SCN1A: variants seen among roughly 807,000 people sequenced by gnomAD.
SCN1A encodes the protein sodium channel protein type 1 subunit alpha.
Under a neutral mutation model 193.7 loss-of-function variants are expected in SCN1A, and 13 were observed. That is an observed-to-expected ratio of 0.07 (90% confidence interval 0.04 to 0.11). The LOEUF (loss-of-function observed/expected upper bound fraction) is 0.11. Among genes scored for constraint, SCN1A ranks in the 10% least tolerant of loss-of-function variants. The probability of loss-of-function intolerance (pLI) is 1.00; values close to 1 mark genes in which losing one functional copy is unlikely to be tolerated. For synonymous variants in SCN1A, 781 were observed against 843.6 expected, an observed-to-expected ratio of 0.93 and a Z score of 1.29; for missense variants, 1,432 against 2,451.1, an observed-to-expected ratio of 0.58 and a Z score of 8.78.
intron 9 of SCN1A, among the ~76,000 whole-genome samples, chr2:166,049,372 C>T (rs558591715): frequency 2.3e-3 from 355 of 151,964 alleles, no homozygotes; most frequent in African/African-American, 8.3e-3. Flanking sequence ...GCAAAACAGC[C>T]ACATATTTCA....
chr2:166,146,479 T>C (rs776748466), intron 1 of SCN1A, among the ~76,000 whole-genome samples: 5 of 152,214 alleles, frequency 3.3e-5, no homozygotes, highest in African/African-American at 4.8e-5. Context: ...GTTTTGCCTT[T>C]GGTAGACAGG....
At chr2:166,065,224 C>T (rs1683707239) in intron 4 of SCN1A, among the ~76,000 whole-genome samples, 1 of 152,104 alleles carries the variant, frequency 6.6e-6, no homozygotes, top group Non-Finnish European at 1.5e-5. Context: ...CTAGCTCCTA[C>T]CCAGAAGTGC....
intron 2 of SCN1A, among the ~76,000 whole-genome samples, chr2:166,087,495 C>T (rs1686269170): frequency 6.6e-6 from 1 of 152,002 alleles, no homozygotes; most frequent in African/African-American, 2.4e-5. Flanking sequence ...CCTGGCACCC[C>T]ACCCTGTCTC....
intron 19 of SCN1A, among the ~76,000 whole-genome samples, chr2:166,027,835 A>C: frequency 6.6e-6 from 1 of 152,190 alleles, no homozygotes; most frequent in South Asian, 2.1e-4. Flanking sequence ...ATTGTACACT[A>C]TGCATATTAA....
At chr2:166,027,318 AG>A (rs1694928546) in intron 19 of SCN1A, 1 of 152,182 alleles carries the variant, frequency 6.6e-6, no homozygotes, top group African/African-American at 2.4e-5. Flanking sequence ...TTTGACCTTG[AG>A]GGTAAGGCAA....
chr2:166,126,614 T>A (rs1044931243), intron 2 of SCN1A: 5 of 152,190 alleles, frequency 3.3e-5, no homozygotes, highest in Non-Finnish European at 7.3e-5. Context: ...TATGTTCTGT[T>A]ACTATACTAG....
intron 22 of SCN1A, among the ~76,000 whole-genome samples, chr2:166,010,961 C>A (rs1692364031): frequency 6.6e-6 from 1 of 150,596 alleles, no homozygotes; most frequent in African/African-American, 2.4e-5. Context: ...GAAAAAAAAC[C>A]TCAGGAAGTT....
Position 166,052,826 on chromosome 2 carries a change from G to A in SCN1A, c.694+26C>T, listed in dbSNP as rs375135735. ...GGATGCTGAATCACATGATGGGTCC[G>A]TCTCATTATCTAACCTTGCTCTCAC... On this transcript the variant is annotated intron_variant, in intron 8 of 28. Transcript: ENST00000674923. The A allele has an allele frequency of 5.6e-5, 87 of 1,553,826 alleles. No homozygotes were observed. The Middle Eastern group carries it at 8.4e-4, about 15-fold the overall frequency.
At chr2:166,110,748 C>T (rs1054864433) in intron 2 of SCN1A, among the ~76,000 whole-genome samples, 2 of 152,152 alleles carry the variant, frequency 1.3e-5, no homozygotes, top group Admixed American at 1.3e-4. Context: ...CCACCCAAAT[C>T]TCATCTTGAA....
intron 2 of SCN1A, among the ~76,000 whole-genome samples, chr2:166,094,692 T>C (rs1485634264): frequency 1.3e-5 from 2 of 151,692 alleles, no homozygotes; most frequent in Non-Finnish European, 2.9e-5. Context: ...TGGAGTAGAA[T>C]AGAATTTAAC....
intron 4 of SCN1A, among the ~76,000 whole-genome samples, chr2:166,065,490 A>G (rs759821167): frequency 6.6e-6 from 1 of 152,110 alleles, no homozygotes; most frequent in Non-Finnish European, 1.5e-5. Context: ...CTCATTTGTC[A>G]TAGCCTGTGA....
chr2:166,107,685 G>A (rs1359448370), intron 2 of SCN1A, among the ~76,000 whole-genome samples: 1 of 151,978 alleles, frequency 6.6e-6, no homozygotes, highest in Admixed American at 6.6e-5. Context: ...ATTCAGCTTT[G>A]GGTGCTAACA....
chr2:166,043,758 A>C lies in SCN1A; in HGVS notation c.1954T>G (p.Ser652Ala), dbSNP rs1697428693. 6.2e-7 allele frequency: 1 copy of C among 1,614,196 alleles called. No individual in the cohort carries two copies. Among genetic ancestry groups the C allele is most frequent in the Non-Finnish European group, 8.5e-7 (1 of 1,180,026 alleles). Residue 652 changes from serine (S) to alanine (A), a missense_variant, in exon 14 of 29, where the codon TCC (serine) becomes GCC (alanine). Transcript: ENST00000674923. ...GGAACTGAAGGTCCACCAACCAAGG[A>C]AACCACACCATTGCAATCCACAGTG... ...HSTVDCNGVV[S>A]LVGGPSVPTS... is the part of the protein sequence containing the mutation.
intron 2 of SCN1A, among the ~76,000 whole-genome samples, chr2:166,119,748 G>A (rs1255339840): frequency 6.6e-6 from 1 of 151,888 alleles, no homozygotes; most frequent in Non-Finnish European, 1.5e-5. Context: ...TTGTGGCCTA[G>A]TTTTATTAAT....
At position 166,012,269 on chromosome 2, in the gene SCN1A, A is replaced by G. The variant is rs776629634; in HGVS notation, c.3719T>C (p.Ile1240Thr). 8.1e-6 allele frequency: 13 copies of G among 1,607,156 alleles called. No homozygotes were observed. Among genetic ancestry groups the G allele is most frequent in the Admixed American group, 1.7e-5 (1 of 59,526 alleles). Residue 1240 changes from isoleucine (I) to threonine (T), a missense_variant, in exon 22 of 29, where the codon ATA becomes ACA. Transcript: ENST00000674923. ...LSSGALAFEDIYIDQRKTIKT... is the reference protein window; with the variant it reads ...LSSGALAFEDTYIDQRKTIKT... ...AATCGTCTTTCGCTGATCAATATAT[A>G]TATCTTCAAATGCCTATAAAGAAAA...
chr2:166,138,932 A>T lies in SCN1A; in HGVS notation c.-50+10115T>A, dbSNP rs867115759. On this transcript the variant is annotated intron_variant, in intron 1 of 26. Transcript: ENST00000635750. ...GGAACCCACCTCTTGCATCAACGTG[A>T]CTTGGATGTGAGACATGGAATCAAA... Among the ~76,000 whole-genome samples, 13 of 152,254 alleles carry T rather than the reference A, an allele frequency of 8.5e-5. No homozygotes were observed. The Middle Eastern group carries it at 0.02, about 239-fold the overall frequency.
At chr2:166,137,931 G>C (rs1236580108) in intron 1 of SCN1A, among the ~76,000 whole-genome samples, 1 of 152,198 alleles carries the variant, frequency 6.6e-6, no homozygotes, top group Non-Finnish European at 1.5e-5. Context: ...AGGCTGAGGT[G>C]ATCTCAGATG....
chr2:166,096,583 G>A (rs943680136), intron 2 of SCN1A, among the ~76,000 whole-genome samples: 1 of 152,106 alleles, frequency 6.6e-6, no homozygotes, highest in Non-Finnish European at 1.5e-5. Flanking sequence ...CCCAGCCTGA[G>A]AGATCATGTT....
At chr2:166,145,027 G>A (rs1402518033) in intron 1 of SCN1A, among the ~76,000 whole-genome samples, 2 of 152,032 alleles carry the variant, frequency 1.3e-5, no homozygotes, top group East Asian at 1.9e-4. Context: ...TAGTAGAGAT[G>A]GGGTTTCACC....
Sources: gnomAD v4.1 joint callset for allele counts (sites outside exome capture counted in the v4.1 genomes callset) on GRCh38, gnomAD v4.1.1 for gene constraint, MANE v1.5 for transcripts, NCBI Gene and HGNC (gene_info 2026-07-23, HGNC 2026-07-21) for gene names.